The following GPC5 variants were observed in gnomAD, a reference collection of about 807,000 sequenced individuals.
GPC5 encodes glypican-5.
In GPC5, 47 loss-of-function variants were observed where a neutral mutation model predicts 53.9. The ratio of observed to expected loss-of-function variants is 0.87; its 90% confidence interval spans 0.69 to 1.11. GPC5 has a LOEUF of 1.11. Among genes scored for constraint, GPC5 ranks in the 50% most tolerant of loss-of-function variants. GPC5 has a pLI of 0.00. For missense variants in GPC5, 748 were observed against 713.1 expected (o/e 1.05, Z -0.56); for synonymous variants, 286 against 263.3 (o/e 1.09, Z -0.84).
At chr13:91,591,953 A>T (rs769046412) in intron 2 of GPC5, among the ~76,000 whole-genome samples, 7 of 152,174 alleles carry the variant, frequency 4.6e-5, no homozygotes, top group African/African-American at 2.4e-5. Context: ...GTCATTTCAG[A>T]CTGGTTAAGA....
chr13:92,807,508 C>A (rs1321568050), intron 7 of GPC5, among the ~76,000 whole-genome samples: 1 of 151,970 alleles, frequency 6.6e-6, no homozygotes, highest in African/African-American at 2.4e-5. Context: ...AGATTCCTTG[C>A]ATTATTCTTC....
chr13:92,189,169 G>C (rs1367824131), intron 7 of GPC5, among the ~76,000 whole-genome samples: 1 of 152,146 alleles, frequency 6.6e-6, no homozygotes, highest in East Asian at 1.9e-4. Context: ...ATCCCTTTAT[G>C]TTTCCAGCAG....
rs2043792066 is a variant in GPC5 at position 92,385,461 on chromosome 13, C to CATATATACATATATACACATATAT, written c.1561+240473_1561+240474insTATATACATATATACACATATATA. The stretch of plus-strand genomic sequence containing the variant: ...ACATATATACATATATACATATATA[C>CATATATACATATATACACATATAT]ACATATATACATATATACATATATA... On this transcript the variant is annotated intron_variant, in intron 7 of 7. Coordinates refer to ENST00000377067, the MANE Select transcript of GPC5 (RefSeq NM_004466.6). Among the ~76,000 whole-genome samples, 2 of 70,448 alleles carry CATATATACATATATACACATATAT rather than the reference C, an allele frequency of 2.8e-5. 1 individual carries two copies. The highest frequency in any genetic ancestry group is 9.8e-5 in the African/African-American group (2 of 20,462). 46.2% of individuals were successfully genotyped at this position (70,448 alleles called of 152,430 possible).
intron 7 of GPC5, among the ~76,000 whole-genome samples, chr13:92,217,058 C>G (rs992114472): frequency 5.3e-5 from 8 of 152,054 alleles, no homozygotes; most frequent in African/African-American, 1.9e-4. Context: ...GCGCCCAGTC[C>G]CTCTGACCCT....
At chr13:91,929,687 A>G (rs1335950814) in intron 6 of GPC5, among the ~76,000 whole-genome samples, 1 of 152,106 alleles carries the variant, frequency 6.6e-6, no homozygotes, top group Admixed American at 6.6e-5. Context: ...GTTGCCTAGA[A>G]GCTGTAACCA....
At chr13:92,088,002 T>A (rs2041349334) in intron 6 of GPC5, among the ~76,000 whole-genome samples, 1 of 151,968 alleles carries the variant, frequency 6.6e-6, no homozygotes, top group African/African-American at 2.4e-5. Context: ...AATCCTGGCC[T>A]CAAGTGATCC....
chr13:92,138,199 C>T (rs760874581), intron 6 of GPC5, among the ~76,000 whole-genome samples: 44 of 152,042 alleles, frequency 2.9e-4, no homozygotes, highest in Non-Finnish European at 6.0e-4. Context: ...GTGTCTAATA[C>T]GATTGATATT....
rs7338323 is a variant in GPC5, at chr13:92,864,507, A to G, written c.1562-1775A>G. Among the ~76,000 whole-genome samples the G allele has an allele frequency of 4.9e-3, 739 of 152,232 alleles. 6 individuals are homozygous for G. Among genetic ancestry groups the G allele is most frequent in the African/African-American group, 0.017 (718 of 41,536 alleles). On this transcript the variant is annotated intron_variant, in intron 7 of 7. Coordinates refer to ENST00000377067, the MANE Select transcript of GPC5 (RefSeq NM_004466.6). ...GATCCCATCCAAACACAAATTCACA[A>G]TGCTTAAAAATGAAAAGTAAATCCT...
chr13:92,292,788 T>C (rs1566523572), intron 7 of GPC5, among the ~76,000 whole-genome samples: 1 of 152,214 alleles, frequency 6.6e-6, no homozygotes, highest in African/African-American at 2.4e-5. Context: ...CTAGAATTTT[T>C]ATAGTTTCAG....
At chr13:91,963,126 A>C (rs1183311661) in intron 6 of GPC5, among the ~76,000 whole-genome samples, 1 of 152,110 alleles carries the variant, frequency 6.6e-6, no homozygotes, top group Non-Finnish European at 1.5e-5. Context: ...TCTCATCTTC[A>C]AACAGGGAAT....
At chr13:91,456,446 A>C (rs9560800) in intron 2 of GPC5, among the ~76,000 whole-genome samples, 70,964 of 151,744 alleles carry the variant, frequency 0.47, 17,088 homozygotes, top group Middle Eastern at 0.56. Context: ...TATCTTAGGA[A>C]TGTTTGCTTT....
intron 7 of GPC5, among the ~76,000 whole-genome samples, chr13:92,303,638 T>C (rs569097077): frequency 1.3e-5 from 2 of 152,286 alleles, no homozygotes; most frequent in Admixed American, 6.5e-5. Flanking sequence ...GATTCAGTAC[T>C]GACCAAGCAG....
intron 7 of GPC5, among the ~76,000 whole-genome samples, chr13:92,810,243 T>C (rs1218076914): frequency 6.6e-6 from 1 of 150,436 alleles, no homozygotes; most frequent in East Asian, 1.9e-4. Context: ...ATATTAACCA[T>C]GAATATCATC....
chr13:91,485,180 A>T (rs1461589274), intron 2 of GPC5, among the ~76,000 whole-genome samples: 1 of 150,078 alleles, frequency 6.7e-6, no homozygotes, highest in African/African-American at 2.4e-5. Context: ...ATAATCTGCT[A>T]TGTTTGTTTC....
At chr13:91,601,153 G>C (rs1226662159) in intron 2 of GPC5, among the ~76,000 whole-genome samples, 3 of 152,134 alleles carry the variant, frequency 2.0e-5, no homozygotes, top group Non-Finnish European at 4.4e-5. Flanking sequence ...CCAGTAGATA[G>C]TTTGACAGTT....
At position 91,572,009 on chromosome 13, in the gene GPC5, A is replaced by G. The variant is rs1232742072; in HGVS notation, c.326-121178A>G. Among the ~76,000 whole-genome samples, 4 of 142,230 alleles carry G rather than the reference A, an allele frequency of 2.8e-5. 1 individual carries two copies. The highest frequency in any genetic ancestry group is 7.8e-5 in the African/African-American group (3 of 38,508). The allele number at this position is 142,230 out of a possible 152,430, so 93.3% of individuals were successfully genotyped here. On this transcript the variant is annotated intron_variant, in intron 2 of 7. Coordinates refer to ENST00000377067, the MANE Select transcript of GPC5 (RefSeq NM_004466.6). ...TATATGTGTATATGTGTATATATGCATATATGCATATACGTGTGTATATAT... is the reference window on the plus strand; with the variant it reads ...TATATGTGTATATGTGTATATATGCGTATATGCATATACGTGTGTATATAT...
rs190153761 is a variant in GPC5, at chr13:92,522,196, G to A, written c.1562-344086G>A. The stretch of plus-strand genomic sequence containing the variant: ...GACTGTAAACTAGTTCAACCATTGC[G>A]GAAGACAGTGTGGCGATTCCTCAGG... On this transcript the variant is annotated intron_variant, in intron 7 of 7. Coordinates refer to ENST00000377067, the MANE Select transcript of GPC5 (RefSeq NM_004466.6). Among the ~76,000 whole-genome samples, 373 of 152,240 alleles carry A rather than the reference G, an allele frequency of 2.5e-3. 1 individual carries two copies. The highest frequency in any genetic ancestry group is 6.8e-3 in the Middle Eastern group (2 of 294).
rs200279898 is a variant in GPC5 at position 92,385,652 on chromosome 13, CAT to C, written c.1561+240673_1561+240674del. Among the ~76,000 whole-genome samples, 455 of 141,734 alleles carry C rather than the reference CAT, an allele frequency of 3.2e-3. 3 individuals are homozygous for C. Among genetic ancestry groups the C allele is most frequent in the African/African-American group, 7.4e-3 (286 of 38,642 alleles). The allele number at this position is 141,734 out of a possible 152,430, so 93.0% of individuals were successfully genotyped here. A position where few individuals can be genotyped will look rare whatever the true frequency, so the allele number is the denominator to read the frequency against. On this transcript the variant is annotated intron_variant, in intron 7 of 7. Transcript: ENST00000377067. The stretch of plus-strand genomic sequence containing the variant: ...ATATATACATATATACCTATATACA[CAT>C]ATATATATACATATATACATATATA...
At chr13:92,065,428 T>A (rs2041160205) in intron 6 of GPC5, among the ~76,000 whole-genome samples, 2 of 152,146 alleles carry the variant, frequency 1.3e-5, no homozygotes, top group Non-Finnish European at 2.9e-5. Context: ...AAGAAATAAT[T>A]GGTTTTTTAA....
Sources: allele counts gnomAD v4.1 joint callset (sites outside exome capture counted in the v4.1 genomes callset), GRCh38; gene constraint gnomAD v4.1.1; transcripts MANE v1.5; gene names NCBI Gene and HGNC (gene_info 2026-07-23, HGNC 2026-07-21).